The following C17orf113 variants were observed in gnomAD, a reference collection of about 807,000 sequenced individuals.
The protein encoded by C17orf113 is uncharacterized protein C17orf113.
In C17orf113, 5 loss-of-function variants were observed where a neutral mutation model predicts 11.6. The observed-to-expected ratio is 0.43, with a 90% CI of 0.23 to 0.91. The LOEUF (loss-of-function observed/expected upper bound fraction) is 0.91, where lower values mean the gene tolerates loss of function less well. Ranked by LOEUF, C17orf113 falls within the 40% of genes least tolerant of loss-of-function variation. C17orf113 has a pLI of 0.26. For synonymous variants in C17orf113, 327 were observed against 390.6 expected (o/e 0.84, Z 1.92); for missense variants, 714 against 841.3 (o/e 0.85, Z 1.87).
intron 1 of C17orf113, among the ~76,000 whole-genome samples, chr17:42,045,293 C>T (rs2053134309): frequency 1.3e-5 from 2 of 152,168 alleles, no homozygotes; most frequent in Admixed American, 6.5e-5. Flanking sequence ...CCTTGTGATC[C>T]GCCCGTCTCG....
At chr17:42,042,767 CT>C (rs1232931450) in intron 2 of C17orf113, 66 bp downstream of exon 2, 3 of 1,167,844 alleles carry the variant, frequency 2.6e-6, no homozygotes, top group Admixed American at 4.2e-5. Flanking sequence ...CATGCTGGGG[CT>C]GTTCCCAGGT....
chr17:42,038,464 T>G lies in C17orf113; in HGVS notation c.*1241A>C. On this transcript the variant is annotated 3_prime_UTR_variant, in exon 3 of 3. Coordinates refer to ENST00000587304, the MANE Select transcript of C17orf113 (RefSeq NM_001358661.2). ...CCCCCAGGAGGTAAATAAGCCAACA[T>G]TCCTGGGTTGGGCCTCGACGCCAGT... 5.7e-6 allele frequency: 1 copy of G among 176,408 alleles called. No individual in the cohort carries two copies. The allele number at this position is 176,408 out of a possible 1,614,324, so 10.9% of individuals were successfully genotyped here.
At chr17:42,046,910 T>C (rs1205665131) in intron 1 of C17orf113, among the ~76,000 whole-genome samples, 1 of 151,624 alleles carries the variant, frequency 6.6e-6, no homozygotes, top group East Asian at 1.9e-4. Flanking sequence ...TCACCCAGGC[T>C]AGAGTGCAGT....
In C17orf113 at chr17:42,041,010, C is replaced by T; in HGVS notation, c.723G>A (p.Glu241=). 1.6e-6 allele frequency: 2 copies of T among 1,232,320 alleles called. No individual in the cohort carries two copies. The highest frequency in any genetic ancestry group is 2.0e-6 in the Non-Finnish European group (2 of 988,066). The allele number at this position is 1,232,320 out of a possible 1,614,324, so 76.3% of individuals were successfully genotyped here. A position where few individuals can be genotyped will look rare whatever the true frequency, so the allele number is the denominator to read the frequency against. The part of the protein sequence containing the change: ...QPATTFLGSV[E]LQEGEATAGQ... ...CAGCAGTGGCCTCGCCCTCCTGTAG[C>T]TCCACACTGCCCAGGAAGGTGGTGG... The change falls in exon 3 of 3, where the codon GAG becomes GAA. Residue 241 remains glutamate, a synonymous_variant. Coordinates refer to ENST00000587304, the MANE Select transcript of C17orf113 (RefSeq NM_001358661.2).
At chr17:42,044,040 G>A (rs2053088525) in intron 1 of C17orf113, among the ~76,000 whole-genome samples, 1 of 150,906 alleles carries the variant, frequency 6.6e-6, no homozygotes, top group African/African-American at 2.4e-5. Flanking sequence ...ATCAGGCCAG[G>A]CATGGTGGCT....
chr17:42,048,878 A>G (rs1418070829), intron 1 of C17orf113, among the ~76,000 whole-genome samples: 3 of 150,220 alleles, frequency 2.0e-5, no homozygotes, highest in Non-Finnish European at 1.5e-5. Flanking sequence ...AAAATATACC[A>G]CTTTAGTGAG....
intron 1 of C17orf113, among the ~76,000 whole-genome samples, chr17:42,047,494 G>C (rs561278239): frequency 6.6e-6 from 1 of 152,056 alleles, no homozygotes; most frequent in Admixed American, 6.6e-5. Context: ...TGAGACTGCA[G>C]TAACTGTCTT....
rs536616847 is a variant in C17orf113, at chr17:42,039,889, T to C, written c.1844A>G (p.Asp615Gly). ...CAGCTCCCGGCTGCGGCCGACCTTG[T>C]CCAGCAGGCCAGCGCCCGCGGGCAG... ...LALPAGAGLLDKVGRSRELRW... is the reference protein window; with the variant it reads ...LALPAGAGLLGKVGRSRELRW... The change falls in exon 3 of 3, where the codon GAC (aspartate) becomes GGC (glycine). Residue 615 changes from aspartate to glycine, a missense_variant. Physicochemically the swap from Asp to Gly is moderately conservative, Grantham distance 94. Coordinates refer to ENST00000587304, the MANE Select transcript of C17orf113 (RefSeq NM_001358661.2). 1.7e-5 allele frequency: 21 copies of C among 1,231,448 alleles called. No homozygotes were observed. The South Asian group carries it at 4.9e-4, about 29-fold the overall frequency. The allele number at this position is 1,231,448 out of a possible 1,614,324, so 76.3% of individuals were successfully genotyped here. A position where few individuals can be genotyped will look rare whatever the true frequency, so the allele number is the denominator to read the frequency against.
chr17:42,045,273 G>A (rs531829451), intron 1 of C17orf113, among the ~76,000 whole-genome samples: 6 of 152,232 alleles, frequency 3.9e-5, no homozygotes, highest in African/African-American at 1.2e-4. Flanking sequence ...GGATGGTCTC[G>A]ATCTCCTGAC....
intron 1 of C17orf113, among the ~76,000 whole-genome samples, chr17:42,049,705 C>T (rs2053244204): frequency 6.6e-6 from 1 of 152,246 alleles, no homozygotes. Context: ...TTTCCATGTA[C>T]ATCGAAGCTG....
chr17:42,041,361 C>T (rs1457900532), intron 2 of C17orf113, among the ~76,000 whole-genome samples, 172 bp from the exon 3 acceptor site: 1 of 152,180 alleles, frequency 6.6e-6, no homozygotes, highest in Non-Finnish European at 1.5e-5. Context: ...CCAGTCACTT[C>T]ACCTCTCCGA....
rs1383608552 is a variant in C17orf113 at position 42,040,152 on chromosome 17, C to T, written c.1581G>A (p.Pro527=). 3 of 1,231,388 alleles carry T rather than the reference C, an allele frequency of 2.4e-6. No homozygotes were observed. Among genetic ancestry groups the T allele is most frequent in the Non-Finnish European group, 1.0e-6 (1 of 987,790 alleles). The allele number at this position is 1,231,388 out of a possible 1,614,324, so 76.3% of individuals were successfully genotyped here. Residue 527 remains proline, a synonymous_variant, in exon 3 of 3, where the codon CCG becomes CCA. Transcript: ENST00000587304. ...FAAIFDPRRY[P]QAPEELGTHG... Reference sequence around the variant, plus strand: ...GCGTGCCCAGCTCCTCCGGCGCCTGCGGGTAGCGTCGGGGGTCGAAGATCG... The same window carrying T: ...GCGTGCCCAGCTCCTCCGGCGCCTGTGGGTAGCGTCGGGGGTCGAAGATCG...
In C17orf113 at chr17:42,039,549, G is replaced by T. The variant is rs2052953438; in HGVS notation, c.*156C>A. The T allele has an allele frequency of 1.6e-6, 1 of 612,912 alleles. No individual in the cohort carries two copies. Among genetic ancestry groups the T allele is most frequent in the Non-Finnish European group, 2.4e-6 (1 of 423,184 alleles). The allele number at this position is 612,912 out of a possible 1,614,324, so 38.0% of individuals were successfully genotyped here. A position where few individuals can be genotyped will look rare whatever the true frequency, so the allele number is the denominator to read the frequency against. On this transcript the variant is annotated 3_prime_UTR_variant, in exon 3 of 3. Transcript: ENST00000587304. ...CCTCCACAGCCCACAGGGTGGGGGGGGTTGGTGGGAAGCTCCAGAAGGGCG... is the reference window on the plus strand; with the variant it reads ...CCTCCACAGCCCACAGGGTGGGGGGTGTTGGTGGGAAGCTCCAGAAGGGCG...
chr17:42,039,707 A>C lies in C17orf113; in HGVS notation c.2026T>G (p.Ter676GlyextTer17). ...GEGFLGSQLT[*>G] ...GGGCCGAGGGAAGGAGGCCACCCTC[A>C]GGTGAGCTGCGACCCCAGGAAGCCC... Residue 676 changes from the stop codon to glycine (G), a stop_lost, in exon 3 of 3, where the codon TGA becomes GGA. Transcript: ENST00000587304. The C allele has an allele frequency of 8.1e-7, 1 of 1,232,498 alleles. No homozygotes were observed. Among genetic ancestry groups the C allele is most frequent in the Non-Finnish European group, 1.0e-6 (1 of 988,252 alleles). The allele number at this position is 1,232,498 out of a possible 1,614,324, so 76.3% of individuals were successfully genotyped here. A position where few individuals can be genotyped will look rare whatever the true frequency, so the allele number is the denominator to read the frequency against.
At chr17:42,045,303 G>A (rs1407639203) in intron 1 of C17orf113, among the ~76,000 whole-genome samples, 3 of 152,194 alleles carry the variant, frequency 2.0e-5, no homozygotes, top group Admixed American at 6.5e-5. Flanking sequence ...CGCCCGTCTC[G>A]GCCTCCCAAA....
At chr17:42,044,261 T>C (rs1224048912) in intron 1 of C17orf113, among the ~76,000 whole-genome samples, 1 of 134,176 alleles carries the variant, frequency 7.5e-6, no homozygotes, top group African/African-American at 2.9e-5. Flanking sequence ...TGAGCCATGA[T>C]GGCGCCACTG....
chr17:42,050,391 GGGGCT>G lies in C17orf113; in HGVS notation c.-188+161_-188+165del, dbSNP rs1266435560. ...GCACCTCTTCTCACGCATCCTCCCG[GGGGCT>G]GGGACGGGGAGGGCTGAGGAACTTC... is the stretch of plus-strand genomic sequence containing the variant. On this transcript the variant is annotated intron_variant, in intron 1 of 2. Transcript: ENST00000587304. This position sits in a 1 kb window ranked among gnomAD's most constrained non-coding sequence, Gnocchi z 5.6. 1.3e-5 allele frequency among the ~76,000 whole-genome samples: 2 copies of G among 152,044 alleles called. No homozygotes were observed. The highest frequency in any genetic ancestry group is 4.8e-5 in the African/African-American group (2 of 41,404).
At position 42,040,892 on chromosome 17, in the gene C17orf113, C is replaced by T; in HGVS notation, c.841G>A (p.Val281Met). The change falls in exon 3 of 3, where the codon GTG becomes ATG. Residue 281 changes from valine (V) to methionine (M), a missense_variant. Physicochemically the swap from Val to Met is conservative, Grantham distance 21. Around this residue, in one of 3 missense-constraint regions of C17orf113, gnomAD observed 516 missense variants for 626.6 expected, o/e 0.82. Transcript: ENST00000587304. ...CAAGTGGCCCGGAGCTGTGGGCCCA[C>T]ACTCCCCAGGCGCTCACTGGGGAGG... ...SSLPSERLGS[V>M]GPQLRATCPL... 8.1e-7 allele frequency: 1 copy of T among 1,232,272 alleles called. No homozygotes were observed. 76.3% of individuals were successfully genotyped at this position (1,232,272 alleles called of 1,614,324 possible). A position where few individuals can be genotyped will look rare whatever the true frequency, so the allele number is the denominator to read the frequency against.
chr17:42,043,537 GTT>G lies in C17orf113; in HGVS notation c.-163_-162del. On this transcript the variant is annotated 5_prime_UTR_variant, in exon 2 of 3. It removes the in-frame stop codon of an upstream open reading frame in the 5' UTR. Transcript: ENST00000587304. ...GGGCCCATCCATCTAAGCCTGGAGA[GTT>G]TATTCCTGCTCTGCCGGTGGGAGAC... The G allele has an allele frequency of 2.1e-6, 1 of 486,820 alleles. No homozygotes were observed. The highest frequency in any genetic ancestry group is 3.5e-5 in the East Asian group (1 of 28,334). The allele number at this position is 486,820 out of a possible 1,614,324, so 30.2% of individuals were successfully genotyped here.
Sources: allele counts gnomAD v4.1 joint callset (sites outside exome capture counted in the v4.1 genomes callset), GRCh38; gene constraint gnomAD v4.1.1; regional missense constraint gnomAD v4.1.1; non-coding constraint Gnocchi (gnomAD v3.1); transcripts MANE v1.5; gene names NCBI Gene and HGNC (gene_info 2026-07-23, HGNC 2026-07-21).